GPATCH8: variants seen among roughly 807,000 people sequenced by gnomAD.
The protein encoded by GPATCH8 is G-patch domain containing 8.
Under a neutral mutation model 118.3 loss-of-function variants are expected in GPATCH8, and 18 were observed. The ratio of observed to expected loss-of-function variants is 0.15; its 90% CI spans 0.11 to 0.23. The LOEUF is 0.23. GPATCH8 is among the 10% of genes least tolerant of loss of function. The pLI, the probability that GPATCH8 is intolerant of heterozygous loss-of-function variation, is 1.00. For missense variants in GPATCH8, 1,631 were observed against 1,873.8 expected (o/e 0.87, Z 2.39); for synonymous variants, 659 against 684.7 (o/e 0.96, Z 0.59).
At chr17:44,501,038 A>G (rs1414798420) in intron 1 of GPATCH8, among the ~76,000 whole-genome samples, 3 of 152,214 alleles carry the variant, frequency 2.0e-5, no homozygotes, top group Non-Finnish European at 4.4e-5. Flanking sequence ...ATAATTTATA[A>G]AAGTTTTAAC....
At chr17:44,414,145 G>GTA (rs58207923) in intron 6 of GPATCH8, among the ~76,000 whole-genome samples, 13 of 29,436 alleles carry the variant, frequency 4.4e-4, no homozygotes, top group Admixed American at 2.0e-3. Flanking sequence ...ATATATATGT[G>GTA]TATATATATA....
At chr17:44,451,160 G>A (rs528655196) in intron 3 of GPATCH8, among the ~76,000 whole-genome samples, 1 of 151,986 alleles carries the variant, frequency 6.6e-6, no homozygotes, top group African/African-American at 2.4e-5. Context: ...CTGTCACCCA[G>A]GCGGCTCACT....
chr17:44,431,781 C>T (rs1190918120), intron 5 of GPATCH8, among the ~76,000 whole-genome samples: 5 of 151,780 alleles, frequency 3.3e-5, no homozygotes, highest in Non-Finnish European at 7.4e-5. Flanking sequence ...AAAAAATTAG[C>T]CAGGCATGGT....
chr17:44,458,726 G>T (rs2051435372), intron 3 of GPATCH8, among the ~76,000 whole-genome samples: 1 of 152,080 alleles, frequency 6.6e-6, no homozygotes, highest in Non-Finnish European at 1.5e-5. Flanking sequence ...GGGTCTTGTT[G>T]TTGCCCAAGC....
intron 5 of GPATCH8, among the ~76,000 whole-genome samples, chr17:44,429,140 A>G (rs1263778499): frequency 6.6e-6 from 1 of 152,190 alleles, no homozygotes; most frequent in African/African-American, 2.4e-5. Flanking sequence ...CCATCTCAAA[A>G]AAAAAGAATA....
chr17:44,414,010 A>G (rs1196807963), intron 6 of GPATCH8, among the ~76,000 whole-genome samples: 1 of 150,862 alleles, frequency 6.6e-6, no homozygotes, highest in Non-Finnish European at 1.5e-5. Context: ...AAAACTCCTT[A>G]AAAGTATGGT....
intron 6 of GPATCH8, among the ~76,000 whole-genome samples, chr17:44,422,591 G>A (rs943719677): frequency 2.0e-5 from 3 of 151,646 alleles, no homozygotes; most frequent in South Asian, 2.1e-4. Flanking sequence ...CCGGGTTCAC[G>A]CCATTCTCCT....
intron 3 of GPATCH8, among the ~76,000 whole-genome samples, chr17:44,459,820 A>G (rs573414252): frequency 6.6e-6 from 1 of 152,300 alleles, no homozygotes; most frequent in East Asian, 1.9e-4. Context: ...TAGGGTATTT[A>G]CTGCTGGTAT....
chr17:44,451,940 G>C (rs1394639197), intron 3 of GPATCH8, among the ~76,000 whole-genome samples: 1 of 152,118 alleles, frequency 6.6e-6, no homozygotes, highest in Non-Finnish European at 1.5e-5. Flanking sequence ...TAAAAGCATA[G>C]GTTTTGGCAC....
At chr17:44,444,944 T>TA (rs2050824385) in intron 3 of GPATCH8, among the ~76,000 whole-genome samples, 3 of 152,178 alleles carry the variant, frequency 2.0e-5, no homozygotes, top group Non-Finnish European at 2.9e-5. Flanking sequence ...TGTAAATACT[T>TA]AGTCATCATG....
intron 3 of GPATCH8, among the ~76,000 whole-genome samples, chr17:44,442,449 G>A (rs1024287294): frequency 6.6e-6 from 1 of 152,066 alleles, no homozygotes; most frequent in Non-Finnish European, 1.5e-5. Flanking sequence ...AAATATAAAA[G>A]CCATCAAAAA....
rs751412032 is a variant in GPATCH8 at position 44,398,950 on chromosome 17, G to A, written c.3127C>T (p.Arg1043Trp). 9.3e-6 allele frequency: 15 copies of A among 1,614,072 alleles called. No individual in the cohort carries two copies. The highest frequency in any genetic ancestry group is 4.0e-5 in the African/African-American group (3 of 75,006). ...SQSPHYFRSG[R>W]GEGPGKKDDG... ...TCTTTCTTCCCAGGACCTTCTCCCC[G>A]GCCTGATCGGAAATAGTGGGGGGAC... is the stretch of plus-strand genomic sequence containing the variant. The change falls in exon 8 of 8, where the codon CGG (arginine) becomes TGG (tryptophan). Residue 1043 changes from arginine to tryptophan, a missense_variant. Physicochemically the swap from Arg to Trp is moderately radical, Grantham distance 101 (BLOSUM62 -3). Around this residue, in one of 8 missense-constraint regions of GPATCH8, gnomAD observed 922 missense variants for 879.7 expected, o/e 1.05. Coordinates refer to ENST00000591680, the MANE Select transcript of GPATCH8 (RefSeq NM_001002909.4).
intron 5 of GPATCH8, among the ~76,000 whole-genome samples, chr17:44,426,964 T>A (rs992618975): frequency 6.6e-6 from 1 of 152,176 alleles, no homozygotes; most frequent in African/African-American, 2.4e-5. Flanking sequence ...GGATTTTATA[T>A]GTATCTTTCA....
chr17:44,407,783 A>G (rs924630280), intron 6 of GPATCH8, among the ~76,000 whole-genome samples: 4 of 151,912 alleles, frequency 2.6e-5, no homozygotes, highest in African/African-American at 7.3e-5. Flanking sequence ...TAGCCTCCCA[A>G]GTAGCTGGGA....
intron 3 of GPATCH8, among the ~76,000 whole-genome samples, chr17:44,461,270 A>C (rs1337527083): frequency 6.6e-6 from 1 of 151,732 alleles, no homozygotes; most frequent in African/African-American, 2.4e-5. Flanking sequence ...CATCCTTCAA[A>C]TCCTGGGCTC....
intron 1 of GPATCH8, among the ~76,000 whole-genome samples, chr17:44,499,304 T>TA (rs1969890703): frequency 1.3e-5 from 2 of 151,892 alleles, no homozygotes; most frequent in Admixed American, 1.3e-4. Flanking sequence ...CCGTCTCTAC[T>TA]AAAAAATACA....
At chr17:44,492,362 G>A (rs1336932603) in intron 1 of GPATCH8, among the ~76,000 whole-genome samples, 1 of 143,438 alleles carries the variant, frequency 7.0e-6, no homozygotes, top group East Asian at 2.1e-4. Context: ...AGGATCACAA[G>A]GTCAGGAGAT....
At chr17:44,484,198 A>T (rs1183733122) in intron 1 of GPATCH8, among the ~76,000 whole-genome samples, 2 of 151,952 alleles carry the variant, frequency 1.3e-5, no homozygotes, top group Non-Finnish European at 2.9e-5. Flanking sequence ...TGGCCAGGCT[A>T]GTCTCGAACT....
chr17:44,429,963 A>T (rs1234305454), intron 5 of GPATCH8, among the ~76,000 whole-genome samples: 1 of 152,076 alleles, frequency 6.6e-6, no homozygotes, highest in Non-Finnish European at 1.5e-5. Context: ...CGGGAGGCAC[A>T]GGTTGCTGTG....
Sources: gnomAD v4.1 joint callset for allele counts (sites outside exome capture counted in the v4.1 genomes callset) on GRCh38, gnomAD v4.1.1 for gene constraint, gnomAD v4.1.1 regional missense constraint, MANE v1.5 for transcripts, NCBI Gene and HGNC (gene_info 2026-07-23, HGNC 2026-07-21) for gene names.